Variants in SHPK observed in about 807,000 individuals in gnomAD.
The protein encoded by SHPK is sedoheptulokinase.
Under a neutral mutation model 46.3 loss-of-function variants are expected in SHPK, and 51 were observed. The ratio of observed to expected loss-of-function variants is 1.10; its 90% CI spans 0.88 to 1.39. The LOEUF (loss-of-function observed/expected upper bound fraction) is 1.39. Among genes scored for constraint, SHPK ranks in the 40% most tolerant of loss-of-function variants. The pLI, the probability that SHPK is intolerant of heterozygous loss-of-function variation, is 0.00. For synonymous variants in SHPK, 290 were observed against 273.9 expected (o/e 1.06, Z -0.58); for missense variants, 668 against 641.3 (o/e 1.04, Z -0.45).
chr17:3,634,240 C>G (rs532255511), intron 1 of SHPK, among the ~76,000 whole-genome samples: 1 of 146,612 alleles, frequency 6.8e-6, no homozygotes, highest in Admixed American at 6.9e-5. Flanking sequence ...TCCCCCTCTG[C>G]GAGAAACACC....
chr17:3,621,368 G>A lies in SHPK; in HGVS notation c.692C>T (p.Ala231Val), dbSNP rs755810674. The change falls in exon 5 of 7, where the codon GCC becomes GTC. Residue 231 changes from alanine to valine, a missense_variant. Ala to Val is a moderately conservative substitution (Grantham distance 64). Transcript: ENST00000225519. ...GFPVHLLPDI[A>V]EPGSVAGRTS... is the part of the protein sequence containing the mutation. ...TCTGCCCGCCACACTGCCAGGCTCG[G>A]CGATGTCTGGGAGCAGGTGGACAGG... is the stretch of plus-strand genomic sequence containing the variant. 4 of 1,614,164 alleles carry A rather than the reference G, an allele frequency of 2.5e-6. No homozygotes were observed. Among genetic ancestry groups the A allele is most frequent in the Non-Finnish European group, 3.4e-6 (4 of 1,180,004 alleles).
intron 6 of SHPK, among the ~76,000 whole-genome samples, chr17:3,614,279 C>G (rs1053821187): frequency 4.6e-5 from 7 of 152,148 alleles, no homozygotes; most frequent in Admixed American, 3.9e-4. Flanking sequence ...AATCCCAGCA[C>G]TTTTGGAGGC....
chr17:3,632,592 G>A (rs557621569), intron 1 of SHPK, among the ~76,000 whole-genome samples: 1 of 152,100 alleles, frequency 6.6e-6, no homozygotes, highest in African/African-American at 2.4e-5. Context: ...TTTTAGGGGC[G>A]GGTGTGATTG....
At chr17:3,622,608 C>T (rs1320001352) in intron 4 of SHPK, 2 of 984,736 alleles carry the variant, frequency 2.0e-6, no homozygotes, top group Non-Finnish European at 2.4e-6. Context: ...AGGAAGTGAA[C>T]TTACAGGGCA....
chr17:3,618,895 T>C (rs945774706), intron 5 of SHPK, among the ~76,000 whole-genome samples: 1 of 152,210 alleles, frequency 6.6e-6, no homozygotes, highest in Non-Finnish European at 1.5e-5. Context: ...GTGGATATCA[T>C]TTGTTTTCAG....
chr17:3,619,369 A>G (rs1038428570), intron 5 of SHPK: 1 of 1,512,298 alleles, frequency 6.6e-7, no homozygotes, highest in Non-Finnish European at 9.2e-7. Context: ...ACATTGAACC[A>G]TTCCGGGTGA....
In SHPK at chr17:3,621,299, C is replaced by G. The variant is rs1217169318; in HGVS notation, c.761G>C (p.Gly254Ala). Reference sequence around the variant, plus strand: ...GGCCTGTAAATCACCCAAGGCCACTCCCACCTGCGTCCCCTTTGGGATTTC... The same window carrying G: ...GGCCTGTAAATCACCCAAGGCCACTGCCACCTGCGTCCCCTTTGGGATTTC... ...WFEIPKGTQV[G>A]VALGDLQASV... The change falls in exon 5 of 7, where the codon GGA becomes GCA. Residue 254 changes from glycine (G) to alanine (A), a missense_variant. By Grantham distance (60) the Gly-to-Ala change is moderately conservative (BLOSUM62 0). Coordinates refer to ENST00000225519, the MANE Select transcript of SHPK (RefSeq NM_013276.4). 2 of 1,614,028 alleles carry G rather than the reference C, an allele frequency of 1.2e-6. No homozygotes were observed. The highest frequency in any genetic ancestry group is 4.5e-5 in the East Asian group (2 of 44,890).
At chr17:3,615,766 T>G (rs150854) in intron 5 of SHPK, among the ~76,000 whole-genome samples, 48,226 of 138,108 alleles carry the variant, frequency 0.35, 10,753 homozygotes, top group East Asian at 0.67. Flanking sequence ...AAGTCACAAT[T>G]TGGCACTGAG....
Position 3,609,341 on chromosome 17 carries a change from G to GAGAGAGAGAGAGAA in SHPK, c.*1218_*1219insTTCTCTCTCTCTCT, listed in dbSNP as rs1237953997. The GAGAGAGAGAGAGAA allele has an allele frequency of 3.3e-5, 5 of 152,080 alleles. No homozygotes were observed. Among genetic ancestry groups the GAGAGAGAGAGAGAA allele is most frequent in the African/African-American group, 1.2e-4 (5 of 41,376 alleles). The allele number at this position is 152,080 out of a possible 1,614,324, so 9.4% of individuals were successfully genotyped here. On this transcript the variant is annotated 3_prime_UTR_variant, in exon 7 of 7. Coordinates refer to ENST00000225519, the MANE Select transcript of SHPK (RefSeq NM_013276.4). ...GGATACTGAGAGAGAGAGAGAGAGA[G>GAGAGAGAGAGAGAA]AGAGAGAGAATACGACTGCTTCCCA...
At chr17:3,612,986 G>A (rs1287930051) in intron 6 of SHPK, among the ~76,000 whole-genome samples, 4 of 151,992 alleles carry the variant, frequency 2.6e-5, no homozygotes, top group Non-Finnish European at 4.4e-5. Flanking sequence ...TCCTGACTTC[G>A]TGATCCGCCC....
chr17:3,621,212 A>T, intron 5 of SHPK, 25 bp downstream of exon 5: 1 of 1,569,252 alleles, frequency 6.4e-7, no homozygotes, highest in Non-Finnish European at 8.6e-7. Context: ...TGTAAGTCTG[A>T]GGACAGAACA....
chr17:3,615,279 A>G, intron 6 of SHPK, 58 bp downstream of exon 6: 1 of 1,556,482 alleles, frequency 6.4e-7, no homozygotes, highest in South Asian at 1.1e-5. Flanking sequence ...AAGCTCCGAG[A>G]CCCTGCCGGG....
At chr17:3,627,670 A>T (rs542707571) in intron 2 of SHPK, among the ~76,000 whole-genome samples, 17 of 151,600 alleles carry the variant, frequency 1.1e-4, no homozygotes, top group Admixed American at 2.0e-4. Flanking sequence ...CTGGCTCAAT[A>T]AAATATTAAG....
At chr17:3,630,830 C>T (rs1479210510) in intron 1 of SHPK, among the ~76,000 whole-genome samples, 2 of 152,184 alleles carry the variant, frequency 1.3e-5, no homozygotes, top group African/African-American at 2.4e-5. Context: ...CGCCACGGCA[C>T]TCCAGCCTGG....
chr17:3,620,795 G>A lies in SHPK; in HGVS notation c.823+442C>T, dbSNP rs1055132917. Among the ~76,000 whole-genome samples, 8 of 151,744 alleles carry A rather than the reference G, an allele frequency of 5.3e-5. 1 individual carries two copies. Among genetic ancestry groups the A allele is most frequent in the Admixed American group, 3.3e-4 (5 of 15,186 alleles). ...AGGCTGGTCTTGAACTCCTGACCTC[G>A]TGATCCGCCTGCCTCGGCCTCCCAA... On this transcript the variant is annotated intron_variant, in intron 5 of 6. Coordinates refer to ENST00000225519, the MANE Select transcript of SHPK (RefSeq NM_013276.4).
chr17:3,610,614 A>G lies in SHPK; in HGVS notation c.1383T>C (p.Ala461=). Residue 461 remains alanine, a synonymous_variant, in exon 7 of 7, where the codon GCT becomes GCC. Coordinates refer to ENST00000225519, the MANE Select transcript of SHPK (RefSeq NM_013276.4). ...PMSFGQDVDA[A]VGAALVMLRR... is the part of the protein sequence containing the mutation. ...GGAGCATGACCAGAGCTGCCCCGAC[A>G]GCTGCATCCACATCCTGCCCAAAGG... 1.9e-6 allele frequency: 3 copies of G among 1,613,686 alleles called. No individual in the cohort carries two copies. Among genetic ancestry groups the G allele is most frequent in the Non-Finnish European group, 2.5e-6 (3 of 1,179,788 alleles).
At chr17:3,621,026 A>G (rs910963521) in intron 5 of SHPK, among the ~76,000 whole-genome samples, 1 of 152,216 alleles carries the variant, frequency 6.6e-6, no homozygotes, top group African/African-American at 2.4e-5. Flanking sequence ...GTTGGTGCTC[A>G]GGGACAGAAC....
In SHPK at chr17:3,631,713, G is replaced by T. The variant is rs367649078; in HGVS notation, c.169-1367C>A. On this transcript the variant is annotated intron_variant, in intron 1 of 6. Coordinates refer to ENST00000225519, the MANE Select transcript of SHPK (RefSeq NM_013276.4). ...AATTTTTGTATTTTTAGTAGAGACG[G>T]GGTTTCGCCACGTTGGCCAGGCTGG... 8.9e-4 allele frequency among the ~76,000 whole-genome samples: 135 copies of T among 151,236 alleles called. 7 individuals are homozygous for T. The South Asian group carries it at 0.023, about 26-fold the overall frequency.
In SHPK at chr17:3,610,612, A is replaced by G; in HGVS notation, c.1385T>C (p.Val462Ala). The change falls in exon 7 of 7, where the codon GTC becomes GCC. Residue 462 changes from valine to alanine, a missense_variant. Transcript: ENST00000225519. ...CCGGAGCATGACCAGAGCTGCCCCG[A>G]CAGCTGCATCCACATCCTGCCCAAA... ...MSFGQDVDAA[V>A]GAALVMLRRH... is the part of the protein sequence containing the mutation. 1 of 1,613,610 alleles carries G rather than the reference A, an allele frequency of 6.2e-7. No individual in the cohort carries two copies.
Sources: allele counts gnomAD v4.1 joint callset (sites outside exome capture counted in the v4.1 genomes callset), GRCh38; gene constraint gnomAD v4.1.1; transcripts MANE v1.5; gene names NCBI Gene and HGNC (gene_info 2026-07-23, HGNC 2026-07-21).